Variants in ST6GALNAC3 observed in about 807,000 individuals in gnomAD.
ST6GALNAC3 encodes ST6 N-acetylgalactosaminide alpha-2,6-sialyltransferase 3.
Under a neutral mutation model 32.7 loss-of-function variants are expected in ST6GALNAC3, and 25 were observed. The ratio of observed to expected loss-of-function variants is 0.76; its 90% CI spans 0.56 to 1.07. ST6GALNAC3 has a LOEUF of 1.07. Among genes scored for constraint, ST6GALNAC3 ranks in the 50% least tolerant of loss-of-function variants. The probability of loss-of-function intolerance (pLI) is 0.00; values close to 1 mark genes in which losing one functional copy is unlikely to be tolerated. For missense variants in ST6GALNAC3, 355 were observed against 382.4 expected, an observed-to-expected ratio of 0.93 and a Z score of 0.60; for synonymous variants, 129 against 133.1, an observed-to-expected ratio of 0.97 and a Z score of 0.21.
chr1:76,146,457 G>C (rs551073495), intron 1 of ST6GALNAC3, among the ~76,000 whole-genome samples: 11 of 152,222 alleles, frequency 7.2e-5, no homozygotes, highest in African/African-American at 2.2e-4. Context: ...TCTGTTAGTG[G>C]CATCTTGGCA....
intron 2 of ST6GALNAC3, among the ~76,000 whole-genome samples, chr1:76,395,137 A>C (rs1322794721): frequency 6.6e-6 from 1 of 152,180 alleles, no homozygotes; most frequent in African/African-American, 2.4e-5. Context: ...CATAAATTCG[A>C]GTTCCAAAAA....
chr1:76,246,549 G>A (rs1336012664), intron 1 of ST6GALNAC3, among the ~76,000 whole-genome samples: 3 of 152,040 alleles, frequency 2.0e-5, no homozygotes, highest in Non-Finnish European at 4.4e-5. Flanking sequence ...GGCTGGTACC[G>A]ATTTTTCCTT....
chr1:76,438,216 A>G (rs1354743995), intron 3 of ST6GALNAC3, among the ~76,000 whole-genome samples: 1 of 150,928 alleles, frequency 6.6e-6, no homozygotes, highest in Non-Finnish European at 1.5e-5. Context: ...CAGTGGCGCG[A>G]TCTCGGCTCA....
At chr1:76,333,934 T>G (rs1284877028) in intron 2 of ST6GALNAC3, among the ~76,000 whole-genome samples, 1 of 152,166 alleles carries the variant, frequency 6.6e-6, no homozygotes, top group Admixed American at 6.5e-5. Context: ...ACAGAAAGAT[T>G]AATTAATTTT....
At chr1:76,624,767 TC>T (rs1341482671) in intron 3 of ST6GALNAC3, among the ~76,000 whole-genome samples, 17 of 151,902 alleles carry the variant, frequency 1.1e-4, no homozygotes, top group Non-Finnish European at 1.5e-5. Context: ...CATGGAGTTC[TC>T]CCCACAAAAG....
At chr1:76,129,671 G>A (rs926295818) in intron 1 of ST6GALNAC3, among the ~76,000 whole-genome samples, 1 of 152,154 alleles carries the variant, frequency 6.6e-6, no homozygotes, top group African/African-American at 2.4e-5. Flanking sequence ...TGCTATCAAA[G>A]AAGTGCCCTG....
At chr1:76,621,366 C>T (rs940852557) in intron 3 of ST6GALNAC3, among the ~76,000 whole-genome samples, 1 of 151,996 alleles carries the variant, frequency 6.6e-6, no homozygotes, top group Non-Finnish European at 1.5e-5. Flanking sequence ...GAATTACCAG[C>T]CACAGAATGA....
chr1:76,506,734 G>A lies in ST6GALNAC3; in HGVS notation c.623+94317G>A, dbSNP rs543568851. Among the ~76,000 whole-genome samples the A allele has an allele frequency of 5.3e-5, 8 of 152,254 alleles. No homozygotes were observed. In the South Asian group the frequency reaches 6.2e-4, roughly 12 times the overall value. ...CTTGGCTAGTGAAAAGAGGCAGACC[G>A]CGGTAGACAATATGTCTAAAGAAGC... On this transcript the variant is annotated intron_variant, in intron 3 of 4. Coordinates refer to ENST00000328299, the MANE Select transcript of ST6GALNAC3 (RefSeq NM_152996.4).
Position 76,343,044 on chromosome 1 carries a change from T to A in ST6GALNAC3, c.213+29045T>A, listed in dbSNP as rs183627333. Among the ~76,000 whole-genome samples the A allele has an allele frequency of 6.1e-3, 923 of 152,264 alleles. 4 individuals carry two copies. Among genetic ancestry groups the A allele is most frequent in the African/African-American group, 0.021 (876 of 41,562 alleles). Reference sequence around the variant, plus strand: ...AGGTCGTCTGTTTACTCTGTTGATCTTTTCTTTTGCTGTGCAGAAGCCCGT... The same window carrying A: ...AGGTCGTCTGTTTACTCTGTTGATCATTTCTTTTGCTGTGCAGAAGCCCGT... On this transcript the variant is annotated intron_variant, in intron 2 of 4. Transcript: ENST00000328299.
At chr1:76,525,105 A>C (rs1312042161) in intron 3 of ST6GALNAC3, among the ~76,000 whole-genome samples, 2 of 152,124 alleles carry the variant, frequency 1.3e-5, no homozygotes, top group Non-Finnish European at 2.9e-5. Flanking sequence ...TGAAAAGAAA[A>C]TGAGTAACAA....
At chr1:76,545,357 C>T (rs575931545) in intron 3 of ST6GALNAC3, among the ~76,000 whole-genome samples, 1 of 152,254 alleles carries the variant, frequency 6.6e-6, no homozygotes, top group South Asian at 2.1e-4. Context: ...CAAAAACACA[C>T]TTGCATAAAT....
chr1:76,443,808 C>T (rs371328264), intron 3 of ST6GALNAC3, among the ~76,000 whole-genome samples: 12 of 152,276 alleles, frequency 7.9e-5, no homozygotes, highest in African/African-American at 2.6e-4. Context: ...TTGCCTTAGG[C>T]ATGACAAAGA....
intron 2 of ST6GALNAC3, among the ~76,000 whole-genome samples, chr1:76,367,940 T>G (rs956546556): frequency 6.6e-6 from 1 of 152,206 alleles, no homozygotes; most frequent in Admixed American, 6.5e-5. Context: ...GCTATCACTG[T>G]GAGTCTGACT....
chr1:76,575,221 C>A (rs1413880488), intron 3 of ST6GALNAC3, among the ~76,000 whole-genome samples: 1 of 152,038 alleles, frequency 6.6e-6, no homozygotes, highest in Non-Finnish European at 1.5e-5. Flanking sequence ...AAGTTCCTTT[C>A]CAACATCTAT....
chr1:76,416,996 C>A (rs891202750), intron 3 of ST6GALNAC3, among the ~76,000 whole-genome samples: 2 of 152,030 alleles, frequency 1.3e-5, no homozygotes, highest in African/African-American at 4.8e-5. Context: ...ATATGTATAT[C>A]ATTTAAATGT....
intron 1 of ST6GALNAC3, among the ~76,000 whole-genome samples, chr1:76,113,290 T>C (rs1236724166): frequency 2.9e-5 from 4 of 135,690 alleles, no homozygotes; most frequent in Non-Finnish European, 6.2e-5. Flanking sequence ...ATGGCAGCAG[T>C]ACAGTCCAGC....
intron 1 of ST6GALNAC3, among the ~76,000 whole-genome samples, chr1:76,266,127 G>C (rs1658512873): frequency 6.6e-6 from 1 of 152,216 alleles, no homozygotes; most frequent in Non-Finnish European, 1.5e-5. Flanking sequence ...AAAACTGGAT[G>C]TTGTTGAATT....
At chr1:76,311,208 C>T (rs145706556) in intron 1 of ST6GALNAC3, among the ~76,000 whole-genome samples, 1,694 of 152,244 alleles carry the variant, frequency 0.011, 14 homozygotes, top group Admixed American at 0.02. Context: ...TATACTCTCT[C>T]CCTGCTCCAA....
chr1:76,217,058 A>G (rs923931310), intron 1 of ST6GALNAC3, among the ~76,000 whole-genome samples: 2 of 152,250 alleles, frequency 1.3e-5, no homozygotes, highest in African/African-American at 4.8e-5. Flanking sequence ...TTTTAATTTC[A>G]TACATGATTA....
Sources: allele counts gnomAD v4.1 joint callset (sites outside exome capture counted in the v4.1 genomes callset), GRCh38; gene constraint gnomAD v4.1.1; transcripts MANE v1.5; gene names NCBI Gene and HGNC (gene_info 2026-07-23, HGNC 2026-07-21).